Variants in EPHB1 observed in about 807,000 individuals in gnomAD.
The protein encoded by EPHB1 is EPH receptor B1.
A neutral mutation model predicts 94.4 loss-of-function variants in EPHB1; 30 were observed. The observed-to-expected ratio is 0.32, with a 90% CI of 0.24 to 0.43. EPHB1 has a LOEUF of 0.43. Ranked by LOEUF, EPHB1 falls within the 20% of genes least tolerant of loss-of-function variation. The probability of loss-of-function intolerance (pLI) is 1.00; values close to 1 mark genes in which losing one functional copy is unlikely to be tolerated. For missense variants in EPHB1, 1,055 were observed against 1,308.3 expected, an observed-to-expected ratio of 0.81 and a Z score of 2.99; for synonymous variants, 522 against 489.1, an observed-to-expected ratio of 1.07 and a Z score of -0.89.
At chr3:135,174,690 T>C (rs1407797039) in intron 9 of EPHB1, among the ~76,000 whole-genome samples, 1 of 152,186 alleles carries the variant, frequency 6.6e-6, no homozygotes. Flanking sequence ...ATCAACATAC[T>C]GAGGCAGAAG....
chr3:134,928,889 G>A (rs1166797505), intron 2 of EPHB1, among the ~76,000 whole-genome samples: 2 of 152,208 alleles, frequency 1.3e-5, no homozygotes, highest in South Asian at 2.1e-4. Context: ...AGAAGCCAGG[G>A]GAAGAGTGTG....
chr3:135,124,597 G>T lies in EPHB1; in HGVS notation c.962-8117G>T, dbSNP rs529568584. Among the ~76,000 whole-genome samples, 62 of 151,856 alleles carry T rather than the reference G, an allele frequency of 4.1e-4. 1 individual carries two copies. The highest frequency in any genetic ancestry group is 1.5e-3 in the African/African-American group (61 of 41,144). ...TATGGGTTGCTGTGATCATCATGCA[G>T]ATTTTACCAGTGAATATGCTGAGGC... is the stretch of plus-strand genomic sequence containing the variant. On this transcript the variant is annotated intron_variant, in intron 4 of 15. Transcript: ENST00000398015.
At chr3:134,909,563 G>T (rs2038410012) in intron 1 of EPHB1, among the ~76,000 whole-genome samples, 1 of 152,220 alleles carries the variant, frequency 6.6e-6, no homozygotes, top group Non-Finnish European at 1.5e-5. Flanking sequence ...ATGAGCAGAT[G>T]AAATCTGGAT....
chr3:135,004,471 C>T (rs539304087), intron 3 of EPHB1, among the ~76,000 whole-genome samples: 6 of 152,144 alleles, frequency 3.9e-5, no homozygotes, highest in East Asian at 3.9e-4. Flanking sequence ...ATCTTTGTGG[C>T]GTTCTCTGTA....
intron 12 of EPHB1, among the ~76,000 whole-genome samples, chr3:135,240,362 A>G (rs372791947): frequency 6.6e-6 from 1 of 152,098 alleles, no homozygotes; most frequent in East Asian, 1.9e-4. Context: ...GGTAAACAAA[A>G]CTGGCTAAGG....
chr3:135,252,349 A>G (rs1393698578), intron 15 of EPHB1, among the ~76,000 whole-genome samples: 20 of 138,432 alleles, frequency 1.4e-4, no homozygotes, highest in Admixed American at 2.1e-4. Flanking sequence ...ATATCTCCCA[A>G]TGCTATCCCT....
chr3:134,830,207 G>C (rs1163487026), intron 1 of EPHB1, among the ~76,000 whole-genome samples: 1 of 152,158 alleles, frequency 6.6e-6, no homozygotes, highest in African/African-American at 2.4e-5. Context: ...TTGACAATAA[G>C]TTGCAGACAT....
At chr3:135,053,451 A>C (rs1360578001) in intron 3 of EPHB1, among the ~76,000 whole-genome samples, 1 of 152,170 alleles carries the variant, frequency 6.6e-6, no homozygotes. Context: ...TTAAGGTGAG[A>C]TTTTTAATGT....
chr3:134,894,688 T>C (rs1650262869), intron 1 of EPHB1, among the ~76,000 whole-genome samples: 1 of 152,222 alleles, frequency 6.6e-6, no homozygotes, highest in Non-Finnish European at 1.5e-5. Flanking sequence ...GTACCCAGAC[T>C]CTCTGCTGTG....
intron 2 of EPHB1, among the ~76,000 whole-genome samples, chr3:134,947,877 C>G (rs533592719): frequency 3.9e-5 from 6 of 152,208 alleles, no homozygotes; most frequent in Middle Eastern, 3.4e-3. Context: ...TTACTGCAGC[C>G]CCTCCTGGGC....
intron 1 of EPHB1, among the ~76,000 whole-genome samples, chr3:134,876,480 G>A (rs1189557447): frequency 6.6e-6 from 1 of 152,206 alleles, no homozygotes; most frequent in Admixed American, 6.5e-5. Flanking sequence ...CAGGCAACAC[G>A]AGGGCCTGGA....
chr3:135,105,172 A>G (rs149879905), intron 3 of EPHB1, among the ~76,000 whole-genome samples: 1 of 152,234 alleles, frequency 6.6e-6, no homozygotes, highest in African/African-American at 2.4e-5. Flanking sequence ...TACATTTGAG[A>G]TTAGCTTTCT....
intron 15 of EPHB1, among the ~76,000 whole-genome samples, chr3:135,257,530 G>GGGGGTCA (rs1419207728): frequency 6.6e-6 from 1 of 152,134 alleles, no homozygotes; most frequent in Non-Finnish European, 1.5e-5. Flanking sequence ...AGGTTGCTGG[G>GGGGGTCA]GGGGTCAGGG....
chr3:135,205,214 AT>A (rs1942870367), intron 12 of EPHB1, among the ~76,000 whole-genome samples: 1 of 152,130 alleles, frequency 6.6e-6, no homozygotes, highest in Non-Finnish European at 1.5e-5. Flanking sequence ...TGCTAGTGAC[AT>A]TGATATCTTT....
intron 15 of EPHB1, among the ~76,000 whole-genome samples, chr3:135,250,006 A>G (rs1933001048): frequency 6.6e-6 from 1 of 152,230 alleles, no homozygotes; most frequent in Non-Finnish European, 1.5e-5. Context: ...AATTATTCAA[A>G]TAAGACGAGA....
intron 3 of EPHB1, among the ~76,000 whole-genome samples, chr3:135,001,203 C>G (rs959980609): frequency 1.3e-5 from 2 of 152,128 alleles, no homozygotes; most frequent in African/African-American, 4.8e-5. Context: ...GGCGGGGGAG[C>G]CTGCACCTTC....
At chr3:135,046,864 A>G (rs533700834) in intron 3 of EPHB1, among the ~76,000 whole-genome samples, 5 of 152,360 alleles carry the variant, frequency 3.3e-5, no homozygotes, top group African/African-American at 9.6e-5. Context: ...CAATGCCTGA[A>G]CACTCGATAA....
intron 5 of EPHB1, among the ~76,000 whole-genome samples, chr3:135,148,394 CAG>C (rs1160165036): frequency 3.9e-5 from 6 of 152,150 alleles, no homozygotes; most frequent in African/African-American, 1.4e-4. Context: ...CTCTAGGATC[CAG>C]AGTCTGGGTT....
rs1578089616 is a variant in EPHB1 at position 134,795,534 on chromosome 3, G to A, written c.-98G>A. ...GGGCGAGAGCGCGAAAGGATACCGA[G>A]AAGCCACCCGCGGAGAGCGCAGCGG... is the stretch of plus-strand genomic sequence containing the variant. On this transcript the variant is annotated 5_prime_UTR_variant, in exon 1 of 16. Coordinates refer to ENST00000398015, the MANE Select transcript of EPHB1 (RefSeq NM_004441.5). The A allele has an allele frequency of 5.0e-6, 6 of 1,202,032 alleles. No homozygotes were observed. In the East Asian group the frequency reaches 1.3e-4, roughly 25 times the overall value. The allele number at this position is 1,202,032 out of a possible 1,614,324, so 74.5% of individuals were successfully genotyped here. A position where few individuals can be genotyped will look rare whatever the true frequency, so the allele number is the denominator to read the frequency against.
Sources: gnomAD v4.1 joint callset for allele counts (sites outside exome capture counted in the v4.1 genomes callset) on GRCh38, gnomAD v4.1.1 for gene constraint, MANE v1.5 for transcripts, NCBI Gene and HGNC (gene_info 2026-07-23, HGNC 2026-07-21) for gene names.